The following FRMPD1 variants were observed in gnomAD, a reference collection of about 807,000 sequenced individuals.
The protein encoded by FRMPD1 is FERM and PDZ domain-containing protein 1.
FRMPD1 carries 76 observed loss-of-function variants against 117.8 expected under a neutral mutation model. That is an observed-to-expected ratio of 0.65 (90% CI 0.54 to 0.78). The LOEUF (loss-of-function observed/expected upper bound fraction) is 0.78. Ranked by LOEUF, FRMPD1 falls within the 30% of genes least tolerant of loss-of-function variation. The pLI, the probability that FRMPD1 is intolerant of heterozygous loss-of-function variation, is 0.00. For missense variants in FRMPD1, 1,786 were observed against 1,964.5 expected (o/e 0.91, Z 1.72); for synonymous variants, 783 against 770.4 (o/e 1.02, Z -0.27).
intron 1 of FRMPD1, among the ~76,000 whole-genome samples, chr9:37,683,385 A>G (rs1188488528): frequency 6.6e-6 from 1 of 152,240 alleles, no homozygotes; most frequent in Admixed American, 6.5e-5. Flanking sequence ...TCACAGCATA[A>G]TGGAATGTAA....
intron 10 of FRMPD1, 147 bp downstream of exon 10, chr9:37,732,587 T>A: frequency 1.3e-6 from 1 of 783,652 alleles, no homozygotes; most frequent in African/African-American, 1.7e-5. Context: ...CCCTCTCTAA[T>A]CTGACCTGGC....
At chr9:37,724,757 C>T (rs936436925) in intron 7 of FRMPD1, among the ~76,000 whole-genome samples, 3 of 152,174 alleles carry the variant, frequency 2.0e-5, no homozygotes, top group Non-Finnish European at 4.4e-5. Context: ...TCACAAGTTT[C>T]CCCATATGAG....
At chr9:37,616,330 T>C in the FRMPD1 span, among the ~76,000 whole-genome samples, 9 of 151,886 alleles carry the variant, frequency 5.9e-5, no homozygotes, top group African/African-American at 2.2e-4. Flanking sequence ...TTGGCCAGGC[T>C]GGTCTCAAAC....
At chr9:37,637,665 A>G in the FRMPD1 span, among the ~76,000 whole-genome samples, 1 of 152,236 alleles carries the variant, frequency 6.6e-6, no homozygotes, top group Non-Finnish European at 1.5e-5. Context: ...GCATAAGCAT[A>G]GACTAGAAAA....
chr9:37,668,583 C>A, intron 1 of FRMPD1: 1 of 152,440 alleles, frequency 6.6e-6, no homozygotes, highest in Non-Finnish European at 1.5e-5. Flanking sequence ...CCCTTCAGCT[C>A]TGTGCCACTG....
Position 37,746,173 on chromosome 9 carries a change from A to C in FRMPD1, c.4141A>C (p.Arg1381=). The C allele has an allele frequency of 6.2e-7, 1 of 1,613,532 alleles. No homozygotes were observed. Among genetic ancestry groups the C allele is most frequent in the Non-Finnish European group, 8.5e-7 (1 of 1,179,934 alleles). Residue 1381 remains arginine (R), a synonymous_variant, in exon 16 of 16, where the codon AGG becomes CGG. Coordinates refer to ENST00000377765, the MANE Select transcript of FRMPD1 (RefSeq NM_014907.3). ...GGGAAGCCCGGTGGTTCTGCCCTGG[A>C]GGCCTGCCCGAGCCCACAGCTGCAC... ...SAGSPVVLPW[R]PARAHSCTTA... is the part of the protein sequence containing the mutation.
At chr9:37,637,339 C>A in the FRMPD1 span, 4 of 909,686 alleles carry the variant, frequency 4.4e-6, no homozygotes, top group Non-Finnish European at 7.3e-6. Flanking sequence ...GGCTCTGCTC[C>A]GCCTCCCGTT....
chr9:37,679,992 C>T (rs1220889387), intron 1 of FRMPD1, among the ~76,000 whole-genome samples: 3 of 152,224 alleles, frequency 2.0e-5, no homozygotes, highest in Admixed American at 6.5e-5. Flanking sequence ...CTTTCCCACA[C>T]CCTTTCTAGG....
intron 1 of FRMPD1, among the ~76,000 whole-genome samples, chr9:37,656,677 G>A (rs1024081846): frequency 1.4e-5 from 2 of 144,960 alleles, no homozygotes; most frequent in Admixed American, 1.4e-4. Flanking sequence ...ACATTATACA[G>A]GTTTGCAAAT....
chr9:37,653,432 A>G (rs1820741836), intron 1 of FRMPD1, among the ~76,000 whole-genome samples: 1 of 152,164 alleles, frequency 6.6e-6, no homozygotes, highest in Admixed American at 6.5e-5. Flanking sequence ...TTCTTGTGAC[A>G]ATGTGATGTG....
At chr9:37,615,352 C>T in the FRMPD1 span, among the ~76,000 whole-genome samples, 43 of 152,276 alleles carry the variant, frequency 2.8e-4, no homozygotes, top group Non-Finnish European at 5.6e-4. Context: ...CTCAGGTGAT[C>T]TACCCACCTC....
At chr9:37,632,633 C>T in the FRMPD1 span, among the ~76,000 whole-genome samples, 2 of 152,084 alleles carry the variant, frequency 1.3e-5, no homozygotes, top group Non-Finnish European at 2.9e-5. Flanking sequence ...AGAGAAAAAA[C>T]CTTTTTGTGA....
chr9:37,630,686 T>C, the FRMPD1 span, among the ~76,000 whole-genome samples: 14 of 152,284 alleles, frequency 9.2e-5, no homozygotes, highest in South Asian at 1.9e-3. Context: ...CTTTCACCCA[T>C]AGCTTTTTCA....
chr9:37,675,930 G>A (rs371104700), intron 1 of FRMPD1, among the ~76,000 whole-genome samples: 9 of 152,210 alleles, frequency 5.9e-5, no homozygotes, highest in South Asian at 2.1e-4. Flanking sequence ...GCTTCAACCT[G>A]TAAAGCTTTG....
intron 1 of FRMPD1, among the ~76,000 whole-genome samples, chr9:37,652,992 A>C (rs1820725005): frequency 6.6e-6 from 1 of 152,190 alleles, no homozygotes; most frequent in Non-Finnish European, 1.5e-5. Context: ...GGCTATGTGT[A>C]GGTCAAGGAG....
In FRMPD1 at chr9:37,737,096, G is replaced by T; in HGVS notation, c.1402G>T (p.Val468Phe). 1 of 1,611,226 alleles carries T rather than the reference G, an allele frequency of 6.2e-7. No individual in the cohort carries two copies. Among genetic ancestry groups the T allele is most frequent in the Non-Finnish European group, 8.5e-7 (1 of 1,177,520 alleles). ...ATGAGATTTCTATTTGCTTTCAAAG[G>T]TTCTGACTTTGCTGCTGGAATCCAA... ...VVKVYLQDVK[V>F]LTLLLESNSA... The change falls in exon 14 of 16, where the codon GTT becomes TTT. Residue 468 changes from valine to phenylalanine, a missense_variant and splice_region_variant. Transcript: ENST00000377765.
chr9:37,605,712 T>C, the FRMPD1 span, among the ~76,000 whole-genome samples: 1,019 of 151,696 alleles, frequency 6.7e-3, 19 homozygotes, highest in African/African-American at 0.023. Flanking sequence ...ATTTATTTAT[T>C]TATTTATTTA....
At chr9:37,742,200 G>C (rs1410284434) in intron 15 of FRMPD1, among the ~76,000 whole-genome samples, 2 of 152,170 alleles carry the variant, frequency 1.3e-5, no homozygotes, top group East Asian at 3.9e-4. Context: ...TCTAAGGAAA[G>C]GAGAAACCAT....
the FRMPD1 span, among the ~76,000 whole-genome samples, chr9:37,612,680 C>A: frequency 6.6e-6 from 1 of 152,148 alleles, no homozygotes; most frequent in Non-Finnish European, 1.5e-5. Context: ...TTAGTAGAGA[C>A]AAGGTTTCAC....
Sources: allele counts gnomAD v4.1 joint callset (sites outside exome capture counted in the v4.1 genomes callset), GRCh38; gene constraint gnomAD v4.1.1; transcripts MANE v1.5; gene names NCBI Gene and HGNC (gene_info 2026-07-23, HGNC 2026-07-21).